The following TBC1D14 variants were observed in gnomAD, a reference collection of about 807,000 sequenced individuals.
TBC1D14 encodes the protein TBC1 domain family member 14.
A neutral mutation model predicts 79.0 loss-of-function variants in TBC1D14; 26 were observed. The observed-to-expected ratio is 0.33, with a 90% CI of 0.24 to 0.46. The LOEUF (loss-of-function observed/expected upper bound fraction) is 0.46. Among genes scored for constraint, TBC1D14 ranks in the 20% least tolerant of loss-of-function variants. The pLI is 1.00. For synonymous variants in TBC1D14, 394 were observed against 349.9 expected (o/e 1.13, Z -1.40); for missense variants, 769 against 887.6 (o/e 0.87, Z 1.70).
chr4:6,985,037 T>TCAA (rs1460982003), intron 3 of TBC1D14, among the ~76,000 whole-genome samples: 1 of 152,260 alleles, frequency 6.6e-6, no homozygotes, highest in Non-Finnish European at 1.5e-5. Context: ...ATTTAATGTG[T>TCAA]TAATGTGCCC....
intron 13 of TBC1D14, among the ~76,000 whole-genome samples, chr4:7,026,761 G>T (rs1331140134): frequency 1.3e-5 from 2 of 152,122 alleles, no homozygotes; most frequent in African/African-American, 2.4e-5. Flanking sequence ...GCTGGGCATG[G>T]TGACGTATAT....
At chr4:6,929,256 G>A (rs1437184968) in intron 2 of TBC1D14, among the ~76,000 whole-genome samples, 1 of 152,102 alleles carries the variant, frequency 6.6e-6, no homozygotes, top group East Asian at 1.9e-4. Context: ...TGAGGGGTAC[G>A]TACTTTACAT....
At chr4:6,968,706 T>C (rs115970388) in intron 3 of TBC1D14, among the ~76,000 whole-genome samples, 9,914 of 148,162 alleles carry the variant, frequency 0.067, 393 homozygotes, top group African/African-American at 0.12. Context: ...GGAGGCTGAC[T>C]GCCGGGAGGA....
intron 2 of TBC1D14, among the ~76,000 whole-genome samples, chr4:6,933,267 C>CCCTCCCCTCCCCTCCCCTCA: frequency 6.4e-5 from 1 of 15,662 alleles, no homozygotes; most frequent in African/African-American, 2.0e-4. Context: ...CCCTCCCCTC[C>CCCTCCCCTCCCCTCCCCTCA]CTTCCCCTCC....
intron 3 of TBC1D14, among the ~76,000 whole-genome samples, chr4:6,987,966 G>A (rs970920724): frequency 2.0e-5 from 3 of 152,220 alleles, no homozygotes; most frequent in Non-Finnish European, 2.9e-5. Context: ...CGCTTTCCAG[G>A]AGGGGACTGC....
chr4:6,983,688 G>C (rs1307787373), intron 3 of TBC1D14, among the ~76,000 whole-genome samples: 2 of 152,174 alleles, frequency 1.3e-5, no homozygotes, highest in African/African-American at 2.4e-5. Flanking sequence ...ATGATGCCAA[G>C]AACTAGAAAG....
intron 1 of TBC1D14, among the ~76,000 whole-genome samples, chr4:6,910,848 G>A (rs1454421423): frequency 6.6e-6 from 1 of 152,124 alleles, no homozygotes; most frequent in Non-Finnish European, 1.5e-5. Context: ...GGTTTTATAG[G>A]CACCGGTGCG....
chr4:7,014,088 G>C (rs1721052906), intron 11 of TBC1D14, among the ~76,000 whole-genome samples: 1 of 152,196 alleles, frequency 6.6e-6, no homozygotes, highest in Non-Finnish European at 1.5e-5. Flanking sequence ...CTGGTTTTTA[G>C]GAAAGAGTGA....
chr4:7,016,647 C>G (rs987458372), intron 12 of TBC1D14, among the ~76,000 whole-genome samples: 1 of 152,244 alleles, frequency 6.6e-6, no homozygotes, highest in Non-Finnish European at 1.5e-5. Flanking sequence ...AAACTTAACA[C>G]GTACGTATGC....
intron 3 of TBC1D14, among the ~76,000 whole-genome samples, chr4:6,985,320 G>C (rs928371690): frequency 7.2e-5 from 11 of 152,110 alleles, no homozygotes. Context: ...GATCCAGTCA[G>C]GTTTGTGTAT....
rs928205364 is a variant in TBC1D14, at chr4:6,978,955, T to A, written c.843+11531T>A. Among the ~76,000 whole-genome samples, 13 of 152,164 alleles carry A rather than the reference T, an allele frequency of 8.5e-5. 1 individual carries two copies. The highest frequency in any genetic ancestry group is 7.9e-4 in the Admixed American group (12 of 15,282). On this transcript the variant is annotated intron_variant, in intron 3 of 13. Coordinates refer to ENST00000409757, the MANE Select transcript of TBC1D14 (RefSeq NM_020773.3). ...GTCTGGCGTTTGCAGTGTATGTAGATGTTAATATGTAGGACAAGTGAAATA... is the reference window on the plus strand; with the variant it reads ...GTCTGGCGTTTGCAGTGTATGTAGAAGTTAATATGTAGGACAAGTGAAATA...
In TBC1D14 at chr4:6,921,524, T is replaced by G. The variant is rs142306250; in HGVS notation, c.-17-1849T>G. Among the ~76,000 whole-genome samples the G allele has an allele frequency of 4.0e-3, 612 of 151,788 alleles. 4 individuals are homozygous for G. Among genetic ancestry groups the G allele is most frequent in the African/African-American group, 0.013 (547 of 41,354 alleles). ...GCCTGGTTAGGCCAGAGAACTTTATTTTTTATTTTTTTATTTTTTGAAATG... is the reference window on the plus strand; with the variant it reads ...GCCTGGTTAGGCCAGAGAACTTTATGTTTTATTTTTTTATTTTTTGAAATG... On this transcript the variant is annotated intron_variant, in intron 1 of 13. Coordinates refer to ENST00000409757, the MANE Select transcript of TBC1D14 (RefSeq NM_020773.3).
intron 3 of TBC1D14, among the ~76,000 whole-genome samples, chr4:6,984,363 A>G (rs1251671492): frequency 1.3e-5 from 2 of 151,494 alleles, no homozygotes; most frequent in African/African-American, 2.4e-5. Flanking sequence ...CACGGTCAGG[A>G]CTCCTCATTG....
intron 2 of TBC1D14, among the ~76,000 whole-genome samples, chr4:6,928,586 A>G (rs1724468988): frequency 6.6e-6 from 1 of 152,144 alleles, no homozygotes; most frequent in Non-Finnish European, 1.5e-5. Context: ...TAATCCCAGC[A>G]CTTTGGGAGG....
chr4:6,977,933 C>A (rs1716927179), intron 3 of TBC1D14, among the ~76,000 whole-genome samples: 1 of 148,516 alleles, frequency 6.7e-6, no homozygotes, highest in South Asian at 2.1e-4. Context: ...CCCGGCCGCC[C>A]CGTCTGAGAA....
intron 5 of TBC1D14, among the ~76,000 whole-genome samples, chr4:6,997,513 C>T (rs1179482504): frequency 6.6e-6 from 1 of 152,148 alleles, no homozygotes; most frequent in Non-Finnish European, 1.5e-5. Flanking sequence ...GTAGTCCCAG[C>T]TACTTGGGAG....
chr4:6,967,271 A>G (rs1560290348), intron 2 of TBC1D14, 33 bp from the exon 3 acceptor site: 3 of 1,608,940 alleles, frequency 1.9e-6, no homozygotes, highest in Non-Finnish European at 2.5e-6. Flanking sequence ...AATTACCCAG[A>G]AATGCCCTAA....
At chr4:6,949,124 A>C (rs1713772912) in intron 2 of TBC1D14, among the ~76,000 whole-genome samples, 1 of 151,886 alleles carries the variant, frequency 6.6e-6, no homozygotes, top group African/African-American at 2.4e-5. Context: ...CAGTGAGCTG[A>C]GATCTTGGCA....
chr4:7,022,867 TG>T (rs565771290), intron 12 of TBC1D14, among the ~76,000 whole-genome samples: 6 of 151,806 alleles, frequency 4.0e-5, no homozygotes, highest in Admixed American at 2.6e-4. Flanking sequence ...TCTTTGGGCT[TG>T]GGGGGGTACA....
Sources: allele counts gnomAD v4.1 joint callset (sites outside exome capture counted in the v4.1 genomes callset), GRCh38; gene constraint gnomAD v4.1.1; transcripts MANE v1.5; gene names NCBI Gene and HGNC (gene_info 2026-07-23, HGNC 2026-07-21).